GFPT2: variants seen among roughly 807,000 people sequenced by gnomAD.
GFPT2 encodes glutamine--fructose-6-phosphate aminotransferase [isomerizing] 2.
In GFPT2, 62 loss-of-function variants were observed where a neutral mutation model predicts 85.6. The ratio of observed to expected loss-of-function variants is 0.72; its 90% confidence interval spans 0.59 to 0.90. The LOEUF is 0.90. GFPT2 is among the 40% of genes least tolerant of loss of function. The pLI is 0.00. For synonymous variants in GFPT2, 368 were observed against 344.5 expected, an observed-to-expected ratio of 1.07 and a Z score of -0.75; for missense variants, 788 against 893.4, an observed-to-expected ratio of 0.88 and a Z score of 1.50.
At chr5:180,315,181 C>CTTTTCT (rs1554133428) in intron 13 of GFPT2, among the ~76,000 whole-genome samples, 1,454 of 144,126 alleles carry the variant, frequency 0.01, 41 homozygotes, top group East Asian at 0.099. Flanking sequence ...TTTTCTTTTT[C>CTTTTCT]TTTTTTTTTT....
chr5:180,337,660 G>A (rs549569389), intron 2 of GFPT2, among the ~76,000 whole-genome samples: 1 of 152,104 alleles, frequency 6.6e-6, no homozygotes, highest in South Asian at 2.1e-4. Context: ...TTTTAATGAA[G>A]CCACCTCACT....
intron 16 of GFPT2, among the ~76,000 whole-genome samples, chr5:180,306,494 G>A (rs1262889564): frequency 1.3e-5 from 2 of 152,234 alleles, no homozygotes; most frequent in Non-Finnish European, 2.9e-5. Context: ...ACGGCTCTCT[G>A]CCCACCCTCT....
intron 18 of GFPT2, among the ~76,000 whole-genome samples, 200 bp downstream of exon 18, chr5:180,302,223 C>T (rs913236215): frequency 2.0e-5 from 3 of 150,728 alleles, no homozygotes; most frequent in Non-Finnish European, 4.4e-5. Context: ...GGAGGTGGAG[C>T]TTGCAGTGAG....
chr5:180,302,283 T>A (rs1964288), intron 18 of GFPT2, 140 bp downstream of exon 18: 92,005 of 603,718 alleles, frequency 0.15, 7,867 homozygotes, highest in East Asian at 0.23. Flanking sequence ...CGAGACTCAA[T>A]CTCAAAAAAA....
In GFPT2 at chr5:180,328,789, C is replaced by T. The variant is rs1764256266; in HGVS notation, c.535-451G>A. On this transcript the variant is annotated intron_variant, in intron 6 of 18. Transcript: ENST00000253778. This position sits in a 1 kb window ranked among gnomAD's most constrained non-coding sequence, Gnocchi z 5.4. ...CCCCTGCACTGGGCTCTCCCTTTAG[C>T]CTTCTTGGCGCCTCGTTCTCCTCAT... 6.6e-6 allele frequency among the ~76,000 whole-genome samples: 1 copy of T among 152,328 alleles called. No individual in the cohort carries two copies. The highest frequency in any genetic ancestry group is 1.5e-5 in the Non-Finnish European group (1 of 68,030).
chr5:180,315,420 C>T (rs1451392898), intron 13 of GFPT2, among the ~76,000 whole-genome samples: 1 of 152,170 alleles, frequency 6.6e-6, no homozygotes, highest in Non-Finnish European at 1.5e-5. Flanking sequence ...CCTCGTGATC[C>T]GCCCACCTCA....
In GFPT2 at chr5:180,310,832, C is replaced by CAAAA. The variant is rs3080055; in HGVS notation, c.1546+1594_1546+1597dup. On this transcript the variant is annotated intron_variant, in intron 15 of 18. Transcript: ENST00000253778. ...CTGCCTTTGCAAATGTGGACACAGG[C>CAAAA]AAAAAAAAAAAAAAAAAAAAAAAAA... Among the ~76,000 whole-genome samples, 321 of 50,582 alleles carry CAAAA rather than the reference C, an allele frequency of 6.3e-3. 8 individuals are homozygous for CAAAA. The highest frequency in any genetic ancestry group is 0.05 in the Middle Eastern group (2 of 40). The allele number at this position is 50,582 out of a possible 152,430, so 33.2% of individuals were successfully genotyped here.
chr5:180,344,995 T>C (rs1362025600), intron 1 of GFPT2, among the ~76,000 whole-genome samples: 1 of 152,218 alleles, frequency 6.6e-6, no homozygotes, highest in Non-Finnish European at 1.5e-5. Context: ...ACAGAGGCCG[T>C]GGCCAGTGCC....
chr5:180,333,807 T>C (rs901405117), intron 4 of GFPT2, among the ~76,000 whole-genome samples: 2 of 152,122 alleles, frequency 1.3e-5, no homozygotes, highest in Non-Finnish European at 2.9e-5. Flanking sequence ...AGGGCTGGAG[T>C]GTCCAAGTTT....
At chr5:180,302,179 C>T (rs1157552915) in intron 18 of GFPT2, among the ~76,000 whole-genome samples, 3 of 149,778 alleles carry the variant, frequency 2.0e-5, no homozygotes, top group African/African-American at 7.4e-5. Flanking sequence ...CCCAGCTACT[C>T]GGGAGGCTGA....
intron 4 of GFPT2, among the ~76,000 whole-genome samples, chr5:180,333,367 T>A (rs1202848866): frequency 1.3e-5 from 2 of 152,142 alleles, no homozygotes; most frequent in Non-Finnish European, 2.9e-5. Flanking sequence ...CCCGAGTAGC[T>A]GGGACCACAG....
intron 2 of GFPT2, among the ~76,000 whole-genome samples, chr5:180,337,453 GA>G (rs35211599): frequency 0.04 from 3,949 of 99,298 alleles, 65 homozygotes; most frequent in African/African-American, 0.077. Flanking sequence ...ACTCCATCTC[GA>G]AAAAAAAAAA....
At chr5:180,306,394 G>A (rs1291510029) in intron 16 of GFPT2, among the ~76,000 whole-genome samples, 1 of 152,224 alleles carries the variant, frequency 6.6e-6, no homozygotes, top group African/African-American at 2.4e-5. Flanking sequence ...CTCAGCTGGA[G>A]CACTGTCCCC....
intron 9 of GFPT2, among the ~76,000 whole-genome samples, chr5:180,320,087 G>C (rs562046965): frequency 1.8e-4 from 27 of 152,188 alleles, no homozygotes; most frequent in African/African-American, 6.0e-4. Flanking sequence ...CTGCCTCCCG[G>C]GTTCACGCCA....
chr5:180,333,252 T>C (rs911396073), intron 4 of GFPT2, among the ~76,000 whole-genome samples: 4 of 151,220 alleles, frequency 2.6e-5, no homozygotes, highest in Non-Finnish European at 4.4e-5. Context: ...TTTTTTTTTC[T>C]GAGATGGAGT....
intron 15 of GFPT2, among the ~76,000 whole-genome samples, chr5:180,309,454 CTT>C (rs34154535): frequency 0.19 from 28,645 of 152,074 alleles, 2,902 homozygotes; most frequent in East Asian, 0.35. Context: ...GAGTTTTGCT[CTT>C]GTTGCCCAGA....
At chr5:180,352,901 C>G (rs1764744945) in intron 1 of GFPT2, 1 of 454,044 alleles carries the variant, frequency 2.2e-6, no homozygotes, top group Admixed American at 4.6e-5. Context: ...CCCTCTGTTA[C>G]GGGGTCCAGG....
intron 7 of GFPT2, among the ~76,000 whole-genome samples, chr5:180,325,983 C>G (rs1161109754): frequency 6.6e-6 from 1 of 152,130 alleles, no homozygotes; most frequent in East Asian, 1.9e-4. Flanking sequence ...CGAGATCGTG[C>G]CACTGCACTC....
At chr5:180,352,852 C>T (rs1325086781) in intron 1 of GFPT2, 2 of 384,066 alleles carry the variant, frequency 5.2e-6, no homozygotes, top group Non-Finnish European at 9.4e-6. Context: ...GACTGGGAGA[C>T]GTGGAGGAGA....
Sources: allele counts gnomAD v4.1 joint callset (sites outside exome capture counted in the v4.1 genomes callset), GRCh38; gene constraint gnomAD v4.1.1; non-coding constraint Gnocchi (gnomAD v3.1); transcripts MANE v1.5; gene names NCBI Gene and HGNC (gene_info 2026-07-23, HGNC 2026-07-21).